FMN1: variants seen among roughly 807,000 people sequenced by gnomAD.
FMN1 encodes the protein formin-1.
FMN1 carries 110 observed loss-of-function variants against 132.4 expected under a neutral mutation model. The ratio of observed to expected loss-of-function variants is 0.83; its 90% CI spans 0.71 to 0.97. The LOEUF (loss-of-function observed/expected upper bound fraction) is 0.97. FMN1 is among the 50% of genes least tolerant of loss of function. The pLI is 0.00. For synonymous variants in FMN1, 722 were observed against 651.7 expected (o/e 1.11, Z -1.64); for missense variants, 1,792 against 1,705.3 (o/e 1.05, Z -0.90).
intron 6 of FMN1, among the ~76,000 whole-genome samples, chr15:33,022,275 T>A (rs373858686): frequency 5.9e-5 from 9 of 152,296 alleles, no homozygotes; most frequent in African/African-American, 2.2e-4. Context: ...AGAATACAGA[T>A]GGTCAATTGT....
At chr15:32,783,286 T>C (rs1237662542) in intron 19 of FMN1, among the ~76,000 whole-genome samples, 1 of 152,250 alleles carries the variant, frequency 6.6e-6, no homozygotes, top group African/African-American at 2.4e-5. Flanking sequence ...TTGAAAACTT[T>C]ATCTTTTCCT....
At chr15:33,042,712 C>G (rs2036496827) in intron 6 of FMN1, among the ~76,000 whole-genome samples, 2 of 151,914 alleles carry the variant, frequency 1.3e-5, no homozygotes, top group Non-Finnish European at 1.5e-5. Context: ...ATAATAACAG[C>G]TTACATTACT....
intron 4 of FMN1, among the ~76,000 whole-genome samples, chr15:33,128,020 TAGC>T (rs962804101): frequency 2.0e-5 from 3 of 151,866 alleles, no homozygotes; most frequent in South Asian, 2.1e-4. Context: ...AGACAAATCA[TAGC>T]AGAATGCCCA....
chr15:32,931,414 C>A (rs919739558), intron 9 of FMN1, among the ~76,000 whole-genome samples: 1 of 151,406 alleles, frequency 6.6e-6, no homozygotes, highest in Non-Finnish European at 1.5e-5. Context: ...AGTCTTTTAC[C>A]CTCTTCAGTT....
intron 7 of FMN1, among the ~76,000 whole-genome samples, chr15:32,984,267 G>A (rs2032907702): frequency 1.3e-5 from 2 of 151,896 alleles, no homozygotes; most frequent in South Asian, 2.1e-4. Context: ...ACTACTTTGG[G>A]TTTTTTATTT....
intron 16 of FMN1, among the ~76,000 whole-genome samples, chr15:32,866,623 T>G (rs778539376): frequency 2.0e-5 from 3 of 152,238 alleles, no homozygotes; most frequent in Non-Finnish European, 4.4e-5. Context: ...GTCTAATCAT[T>G]TTCCCAGTCC....
intron 16 of FMN1, among the ~76,000 whole-genome samples, chr15:32,858,245 G>T (rs1178615765): frequency 6.6e-6 from 1 of 152,170 alleles, no homozygotes; most frequent in African/African-American, 2.4e-5. Context: ...AACGTATACT[G>T]CAGGCAAAGC....
intron 15 of FMN1, among the ~76,000 whole-genome samples, chr15:32,892,850 A>G (rs2141530502): frequency 6.6e-6 from 1 of 152,304 alleles, no homozygotes; most frequent in African/African-American, 2.4e-5. Flanking sequence ...ATGTATCACC[A>G]TTAATTTTTA....
At chr15:33,136,931 T>C (rs1381451986) in intron 4 of FMN1, among the ~76,000 whole-genome samples, 1 of 151,570 alleles carries the variant, frequency 6.6e-6, no homozygotes, top group Non-Finnish European at 1.5e-5. Flanking sequence ...CTACTAAAAA[T>C]ACAAAAGTTA....
intron 5 of FMN1, among the ~76,000 whole-genome samples, chr15:33,083,781 AAAG>A (rs992482893): frequency 2.3e-4 from 35 of 152,176 alleles, no homozygotes; most frequent in Non-Finnish European, 3.7e-4. Context: ...ACAGGATAAA[AAAG>A]AAGGTTACCA....
intron 17 of FMN1, among the ~76,000 whole-genome samples, chr15:32,815,144 G>C (rs918389322): frequency 6.6e-6 from 1 of 151,884 alleles, no homozygotes; most frequent in Non-Finnish European, 1.5e-5. Context: ...GGGTTTCCCC[G>C]TGTTAGCCAG....
At chr15:33,096,595 C>A (rs911031405) in intron 4 of FMN1, among the ~76,000 whole-genome samples, 1 of 151,914 alleles carries the variant, frequency 6.6e-6, no homozygotes, top group South Asian at 2.1e-4. Context: ...TCTCTCCCAA[C>A]AAATCTACTT....
rs1023614422 is a variant in FMN1, at chr15:32,777,614, A to G, written c.4131-695T>C. 5.0e-4 allele frequency among the ~76,000 whole-genome samples: 10 copies of G among 19,822 alleles called. 1 individual carries two copies. Among genetic ancestry groups the G allele is most frequent in the Non-Finnish European group, 2.8e-4 (3 of 10,590 alleles). 13.0% of individuals were successfully genotyped at this position (19,822 alleles called of 152,430 possible). On this transcript the variant is annotated intron_variant, in intron 19 of 20. Transcript: ENST00000616417. ...TAACACTTTATATATTACGTATAACATAACACATTTATATATTACGTATAA... is the reference window on the plus strand; with the variant it reads ...TAACACTTTATATATTACGTATAACGTAACACATTTATATATTACGTATAA...
chr15:33,176,504 TCC>T (rs778440948), intron 3 of FMN1, among the ~76,000 whole-genome samples: 12 of 94,950 alleles, frequency 1.3e-4, no homozygotes, highest in African/African-American at 1.2e-4. Context: ...AGACCCTGTC[TCC>T]AAAAAAAAAA....
chr15:33,010,458 G>A (rs1031596546), intron 6 of FMN1, among the ~76,000 whole-genome samples: 5 of 152,042 alleles, frequency 3.3e-5, no homozygotes, highest in Non-Finnish European at 7.4e-5. Context: ...CCAAAAAAAG[G>A]ATGTTAATTT....
chr15:33,088,038 A>G (rs748794013), intron 5 of FMN1, among the ~76,000 whole-genome samples: 1 of 152,100 alleles, frequency 6.6e-6, no homozygotes, highest in Non-Finnish European at 1.5e-5. Flanking sequence ...GAATGATACA[A>G]TGGACTTTGG....
In FMN1 at chr15:32,923,432, C is replaced by T. The variant is rs567972436; in HGVS notation, c.3226+2742G>A. 9.9e-5 allele frequency among the ~76,000 whole-genome samples: 15 copies of T among 152,238 alleles called. No individual in the cohort carries two copies. In the South Asian group the frequency reaches 2.3e-3, roughly 23 times the overall value. ...AAGGAAAACTAACCTCCAGTTATAGCGCCATATTCATCTGGAATGCATTAC... is the reference window on the plus strand; with the variant it reads ...AAGGAAAACTAACCTCCAGTTATAGTGCCATATTCATCTGGAATGCATTAC... On this transcript the variant is annotated intron_variant, in intron 10 of 20. Transcript: ENST00000616417.
chr15:32,962,248 G>A (rs1258158109), intron 9 of FMN1, among the ~76,000 whole-genome samples: 1 of 152,096 alleles, frequency 6.6e-6, no homozygotes, highest in Non-Finnish European at 1.5e-5. Context: ...CAGCCACTAG[G>A]CATAAGAACA....
At chr15:32,890,902 G>A (rs1019089504) in intron 15 of FMN1, among the ~76,000 whole-genome samples, 8 of 152,162 alleles carry the variant, frequency 5.3e-5, no homozygotes, top group Non-Finnish European at 8.8e-5. Context: ...AATCCATTGA[G>A]TTGATTTTTG....
Sources: gnomAD v4.1 joint callset for allele counts (sites outside exome capture counted in the v4.1 genomes callset) on GRCh38, gnomAD v4.1.1 for gene constraint, MANE v1.5 for transcripts, NCBI Gene and HGNC (gene_info 2026-07-23, HGNC 2026-07-21) for gene names.